DOK6: variants seen among roughly 807,000 people sequenced by gnomAD.
DOK6 encodes the protein downstream of tyrosine kinase 6.
A neutral mutation model predicts 44.0 loss-of-function variants in DOK6; 22 were observed. The ratio of observed to expected loss-of-function variants is 0.50; its 90% CI spans 0.36 to 0.71. DOK6 has a LOEUF of 0.71. Among genes scored for constraint, DOK6 ranks in the 30% least tolerant of loss-of-function variants. The pLI, the probability that DOK6 is intolerant of heterozygous loss-of-function variation, is 0.00. For synonymous variants in DOK6, 166 were observed against 145.5 expected, an observed-to-expected ratio of 1.14 and a Z score of -1.01; for missense variants, 340 against 416.4, an observed-to-expected ratio of 0.82 and a Z score of 1.60.
At chr18:69,692,858 TGTAA>T (rs1986298581) in intron 4 of DOK6, among the ~76,000 whole-genome samples, 1 of 152,248 alleles carries the variant, frequency 6.6e-6, no homozygotes, top group Non-Finnish European at 1.5e-5. Flanking sequence ...TATACATTTA[TGTAA>T]GTATTAATTT....
At chr18:69,598,396 G>C (rs1040920143) in intron 2 of DOK6, among the ~76,000 whole-genome samples, 2 of 151,844 alleles carry the variant, frequency 1.3e-5, no homozygotes, top group African/African-American at 4.8e-5. Context: ...AGAAATTAAA[G>C]CATAGTCAAA....
intron 1 of DOK6, among the ~76,000 whole-genome samples, chr18:69,505,388 A>C (rs747657513): frequency 6.6e-6 from 1 of 152,056 alleles, no homozygotes; most frequent in Non-Finnish European, 1.5e-5. Flanking sequence ...TAGAAGCCTT[A>C]AAGTTTCTAA....
At chr18:69,530,453 C>G (rs889579526) in intron 1 of DOK6, among the ~76,000 whole-genome samples, 2 of 151,994 alleles carry the variant, frequency 1.3e-5, no homozygotes, top group African/African-American at 4.8e-5. Flanking sequence ...GTCAGCAGGG[C>G]CTGGATAGCA....
chr18:69,502,086 G>GTAAT (rs1285828788), intron 1 of DOK6, among the ~76,000 whole-genome samples: 2 of 152,076 alleles, frequency 1.3e-5, no homozygotes, highest in Non-Finnish European at 2.9e-5. Flanking sequence ...ATTAAACAAA[G>GTAAT]TAATTAGATT....
At chr18:69,424,393 C>G (rs931472795) in intron 1 of DOK6, among the ~76,000 whole-genome samples, 2 of 152,094 alleles carry the variant, frequency 1.3e-5, no homozygotes, top group African/African-American at 4.8e-5. Context: ...GTTTATTGAC[C>G]AATAGATTTT....
intron 5 of DOK6, among the ~76,000 whole-genome samples, chr18:69,709,427 G>A (rs771943768): frequency 6.6e-6 from 1 of 151,992 alleles, no homozygotes; most frequent in African/African-American, 2.4e-5. Flanking sequence ...AAAAAAATAT[G>A]TTGATAGATG....
chr18:69,705,252 A>AT (rs1568339144), intron 5 of DOK6: 1 of 152,122 alleles, frequency 6.6e-6, no homozygotes, highest in Non-Finnish European at 1.5e-5. Flanking sequence ...AGTTATAAAT[A>AT]TTTTTTATTT....
chr18:69,556,725 G>C (rs1264592046), intron 1 of DOK6, among the ~76,000 whole-genome samples: 1 of 152,164 alleles, frequency 6.6e-6, no homozygotes, highest in Non-Finnish European at 1.5e-5. Flanking sequence ...ATATTTATCT[G>C]TGTACCTATC....
intron 1 of DOK6, among the ~76,000 whole-genome samples, chr18:69,482,617 CA>C (rs759482910): frequency 3.9e-5 from 6 of 151,906 alleles, no homozygotes; most frequent in Non-Finnish European, 8.8e-5. Flanking sequence ...TTGGAAATGA[CA>C]AAACAAATTA....
At chr18:69,821,645 A>G (rs1000914840) in intron 7 of DOK6, among the ~76,000 whole-genome samples, 4 of 152,174 alleles carry the variant, frequency 2.6e-5, no homozygotes, top group Non-Finnish European at 4.4e-5. Context: ...AATGGCTCTA[A>G]CAGGATAAAA....
rs567968574 is a variant in DOK6 at position 69,816,135 on chromosome 18, C to T, written c.857-25109C>T. On this transcript the variant is annotated intron_variant, in intron 7 of 7. Coordinates refer to ENST00000382713, the MANE Select transcript of DOK6 (RefSeq NM_152721.6). ...CCTCTATGTAGTGATATTTTCAAAA[C>T]ATAAAATAGGCTCATGACTCCATTA... is the stretch of plus-strand genomic sequence containing the variant. 1.1e-4 allele frequency among the ~76,000 whole-genome samples: 16 copies of T among 152,240 alleles called. 1 individual carries two copies. The South Asian group carries it at 3.1e-3, about 30-fold the overall frequency.
In DOK6 at chr18:69,568,942, G is replaced by A. The variant is rs147523217; in HGVS notation, c.174+4348G>A. 2.5e-3 allele frequency among the ~76,000 whole-genome samples: 375 copies of A among 151,712 alleles called. 1 individual carries two copies. Among genetic ancestry groups the A allele is most frequent in the African/African-American group, 8.8e-3 (364 of 41,334 alleles). ...AGGGCTCCCACTGATTCTACATTAT[G>A]GTGAGTTGTATAATTATTTCATTAT... On this transcript the variant is annotated intron_variant, in intron 2 of 7. Coordinates refer to ENST00000382713, the MANE Select transcript of DOK6 (RefSeq NM_152721.6).
intron 1 of DOK6, among the ~76,000 whole-genome samples, chr18:69,459,733 C>T (rs1003153025): frequency 2.6e-5 from 4 of 152,176 alleles, no homozygotes; most frequent in Admixed American, 6.5e-5. Flanking sequence ...TTTCATAATT[C>T]TCATTTAGGG....
intron 1 of DOK6, among the ~76,000 whole-genome samples, chr18:69,504,691 A>G (rs1981135747): frequency 1.3e-5 from 2 of 152,204 alleles, no homozygotes; most frequent in East Asian, 1.9e-4. Flanking sequence ...CATTTGTTTA[A>G]CATGTGAAAT....
At chr18:69,577,325 T>C (rs2144607217) in intron 2 of DOK6, among the ~76,000 whole-genome samples, 1 of 152,284 alleles carries the variant, frequency 6.6e-6, no homozygotes, top group East Asian at 1.9e-4. Flanking sequence ...TCATGCGATG[T>C]GAAAGCTGTT....
intron 1 of DOK6, among the ~76,000 whole-genome samples, chr18:69,489,408 C>T (rs980709805): frequency 3.9e-5 from 6 of 152,160 alleles, no homozygotes; most frequent in Non-Finnish European, 8.8e-5. Flanking sequence ...GAGGGTAAGC[C>T]CGTTTCCATA....
At chr18:69,670,411 A>G (rs1306690771) in intron 3 of DOK6, among the ~76,000 whole-genome samples, 1 of 152,144 alleles carries the variant, frequency 6.6e-6, no homozygotes, top group African/African-American at 2.4e-5. Context: ...GGTCTTAGGA[A>G]AGTATGACTA....
At chr18:69,754,141 A>G (rs901293079) in intron 6 of DOK6, among the ~76,000 whole-genome samples, 1 of 152,088 alleles carries the variant, frequency 6.6e-6, no homozygotes, top group African/African-American at 2.4e-5. Flanking sequence ...GCATTATAAT[A>G]TGAAAATAGT....
At chr18:69,731,116 T>C (rs1978385769) in intron 5 of DOK6, among the ~76,000 whole-genome samples, 1 of 152,166 alleles carries the variant, frequency 6.6e-6, no homozygotes, top group East Asian at 1.9e-4. Flanking sequence ...TGTGGTACTT[T>C]ATCAGTGATC....
Sources: gnomAD v4.1 joint callset for allele counts (sites outside exome capture counted in the v4.1 genomes callset) on GRCh38, gnomAD v4.1.1 for gene constraint, MANE v1.5 for transcripts, NCBI Gene and HGNC (gene_info 2026-07-23, HGNC 2026-07-21) for gene names.